Variants in MXRA8 observed in about 807,000 individuals in gnomAD.
MXRA8 encodes the protein matrix remodeling associated 8, also known as matrix remodeling-associated protein 8.
A neutral mutation model predicts 51.4 loss-of-function variants in MXRA8; 44 were observed. The ratio of observed to expected loss-of-function variants is 0.86; its 90% confidence interval spans 0.67 to 1.10. The LOEUF is 1.10. MXRA8 is among the 50% of genes least tolerant of loss of function. MXRA8 has a pLI of 0.00. For synonymous variants in MXRA8, 369 were observed against 293.5 expected, an observed-to-expected ratio of 1.26 and a Z score of -2.63; for missense variants, 765 against 638.9, an observed-to-expected ratio of 1.20 and a Z score of -2.13.
upstream of MXRA8, among the ~76,000 whole-genome samples, chr1:1,360,875 A>C (rs370716566): frequency 9.3e-3 from 1,408 of 151,822 alleles, 20 homozygotes; most frequent in African/African-American, 0.032. Flanking sequence ...CACACACACA[A>C]AGACACACAT....
rs932402520 is a variant in MXRA8 at position 1,352,930 on chromosome 1, C to A, written c.*674G>T. ...CAGTGACTATCAAGGTGGCTGAGAGCAAGGCTAGGGTAGGGATGGGGCAGA... is the reference window on the plus strand; with the variant it reads ...CAGTGACTATCAAGGTGGCTGAGAGAAAGGCTAGGGTAGGGATGGGGCAGA... On this transcript the variant is annotated 3_prime_UTR_variant, in exon 10 of 10. Transcript: ENST00000309212. 1.7e-5 allele frequency: 6 copies of A among 363,584 alleles called. No homozygotes were observed. Among genetic ancestry groups the A allele is most frequent in the African/African-American group, 1.1e-4 (5 of 45,960 alleles). The allele number at this position is 363,584 out of a possible 1,614,324, so 22.5% of individuals were successfully genotyped here. A position where few individuals can be genotyped will look rare whatever the true frequency, so the allele number is the denominator to read the frequency against.
chr1:1,359,630 G>A (rs1644194737), upstream of MXRA8: 4 of 960,582 alleles, frequency 4.2e-6, no homozygotes, highest in South Asian at 4.8e-5. Context: ...GATCAGAGTG[G>A]TGGTCTCAGG....
In MXRA8 at chr1:1,354,207, C is replaced by G. The variant is rs774501027; in HGVS notation, c.1131G>C (p.Ser377=). ...RGGYEYSDQK[S]GKSKGKDVNL... ...GGGGCACTCACCCCTTTGACTTTCC[C>G]GACTTCTGGTCCGAGTATTCGTAGC... Residue 377 remains serine (S), a synonymous_variant, in exon 7 of 10, where the codon TCG becomes TCC. Transcript: ENST00000309212. The G allele has an allele frequency of 6.2e-7, 1 of 1,612,628 alleles. No homozygotes were observed. The highest frequency in any genetic ancestry group is 8.5e-7 in the Non-Finnish European group (1 of 1,179,962).
chr1:1,353,810 G>A (rs776212191), intron 9 of MXRA8, 38 bp downstream of exon 9: 2 of 1,539,038 alleles, frequency 1.3e-6, no homozygotes, highest in South Asian at 1.3e-5. Context: ...GGGACAGGCA[G>A]GGCTCTGAGA....
upstream of MXRA8, among the ~76,000 whole-genome samples, chr1:1,359,864 T>TGGCTGGCCTCGAGGCCTC (rs1553178630): frequency 3.9e-5 from 6 of 152,108 alleles, no homozygotes; most frequent in Admixed American, 3.9e-4. Flanking sequence ...AAGCCCCACC[T>TGGCTGGCCTCGAGGCCTC]GGCTGGCCTC....
Position 1,354,019 on chromosome 1 carries a change from C to T in MXRA8, c.1222+11G>A, listed in dbSNP as rs1644062653. The T allele has an allele frequency of 6.2e-7, 1 of 1,612,706 alleles. No individual in the cohort carries two copies. Among genetic ancestry groups the T allele is most frequent in the Non-Finnish European group, 8.5e-7 (1 of 1,179,834 alleles). On this transcript the variant is annotated intron_variant, in intron 8 of 9. Transcript: ENST00000309212. ...CCGCGCCTGTGCCCTCGTGTCCCAG[C>T]ACTGCCTCACCTAGCTGGATGTCCT...
chr1:1,362,635 G>A (rs1644234122), upstream of MXRA8, among the ~76,000 whole-genome samples: 1 of 151,600 alleles, frequency 6.6e-6, no homozygotes, highest in African/African-American at 2.4e-5. Flanking sequence ...CAAAAAATTA[G>A]CCAGGCGTGG....
chr1:1,363,039 C>T (rs1569821554), upstream of MXRA8, among the ~76,000 whole-genome samples: 1 of 151,696 alleles, frequency 6.6e-6, no homozygotes, highest in South Asian at 2.1e-4. Context: ...GCCGAGATTG[C>T]ACCACTGCAC....
In MXRA8 at chr1:1,354,836, G is replaced by A. The variant is rs750039633; in HGVS notation, c.795C>T (p.Ala265=). The change falls in exon 5 of 10, where the codon GCC becomes GCT. Residue 265 remains alanine (A), a synonymous_variant. Transcript: ENST00000309212. The stretch of plus-strand genomic sequence containing the variant: ...GGTGGCAGGAGTAGGTGCCCTCGTC[G>A]GCGACCTCCAGCGGCTCGATACGCA... The part of the protein sequence containing the change: ...FSLRIEPLEV[A]DEGTYSCHLH... The A allele has an allele frequency of 1.2e-6, 2 of 1,612,210 alleles. No individual in the cohort carries two copies. Among genetic ancestry groups the A allele is most frequent in the Non-Finnish European group, 1.7e-6 (2 of 1,179,700 alleles).
chr1:1,355,377 C>T (rs1035535500), intron 3 of MXRA8, 32 bp from the exon 4 acceptor site: 8 of 1,553,748 alleles, frequency 5.1e-6, no homozygotes, highest in East Asian at 2.6e-5. Context: ...GCGCGTGAGC[C>T]TTGCGGTGCC....
chr1:1,359,427 C>T (rs1386598390), upstream of MXRA8: 11 of 985,450 alleles, frequency 1.1e-5, no homozygotes, highest in Non-Finnish European at 1.3e-5. Context: ...AACCCAACTC[C>T]TTCTAATCAA....
chr1:1,353,847 C>T lies in MXRA8; in HGVS notation c.1303+1G>A. ...GGGCTGAGGTCGCCCCCGCCGCTCACCTTTGTCTAGGTCGATGTACTTGGC... is the reference window on the plus strand; with the variant it reads ...GGGCTGAGGTCGCCCCCGCCGCTCATCTTTGTCTAGGTCGATGTACTTGGC... On this transcript the variant is annotated splice_donor_variant, in intron 9 of 9. Coordinates refer to ENST00000309212, the MANE Select transcript of MXRA8 (RefSeq NM_032348.4). LOFTEE classifies it high-confidence loss of function. The T allele has an allele frequency of 6.3e-7, 1 of 1,590,504 alleles. No homozygotes were observed.
At position 1,355,429 on chromosome 1, in the gene MXRA8, C is replaced by T. The variant is rs746546000; in HGVS notation, c.376+21G>A. ...CGGACCCCTGCCCCGACCCCGCGGC[C>T]CCGGTCCCCGGTCCCCGCACCGCGG... On this transcript the variant is annotated intron_variant, in intron 3 of 9. Transcript: ENST00000309212. 4.7e-6 allele frequency: 7 copies of T among 1,481,214 alleles called. No homozygotes were observed. In the East Asian group the frequency reaches 1.4e-4, roughly 30 times the overall value. The allele number at this position is 1,481,214 out of a possible 1,614,324, so 91.8% of individuals were successfully genotyped here.
Position 1,358,531 on chromosome 1 carries a change from C to T in MXRA8, c.-27G>A, listed in dbSNP as rs1412887749. ...GCCCCCGCCCAGCCCCAGGCTTTGT[C>T]CCACTCGGCTCTAAGTCTCTCTCCA... On this transcript the variant is annotated 5_prime_UTR_variant, in exon 1 of 10. Coordinates refer to ENST00000309212, the MANE Select transcript of MXRA8 (RefSeq NM_032348.4). 4 of 1,608,392 alleles carry T rather than the reference C, an allele frequency of 2.5e-6. No individual in the cohort carries two copies. Among genetic ancestry groups the T allele is most frequent in the Non-Finnish European group, 3.4e-6 (4 of 1,177,410 alleles).
At chr1:1,353,952 G>A (rs1295341213) in intron 8 of MXRA8, 24 bp from the exon 9 acceptor site, 3 of 1,606,316 alleles carry the variant, frequency 1.9e-6, no homozygotes, top group Non-Finnish European at 2.5e-6. Context: ...GGAGGCTGAG[G>A]TCCCCGCTCC....
rs1394021710 is a variant in MXRA8 at position 1,353,947 on chromosome 1, C to T, written c.1223-19G>A. On this transcript the variant is annotated intron_variant, in intron 8 of 9. Coordinates refer to ENST00000309212, the MANE Select transcript of MXRA8 (RefSeq NM_032348.4). ...TTGTAATCTGTGGGAGGAGAGGAGGCTGAGGTCCCCGCTCCCAGGATGCAC... is the reference window on the plus strand; with the variant it reads ...TTGTAATCTGTGGGAGGAGAGGAGGTTGAGGTCCCCGCTCCCAGGATGCAC... The T allele has an allele frequency of 2.5e-6, 4 of 1,606,958 alleles. No individual in the cohort carries two copies. Among genetic ancestry groups the T allele is most frequent in the South Asian group, 2.2e-5 (2 of 90,206 alleles).
chr1:1,354,152 G>A (rs1322267849), intron 7 of MXRA8, 41 bp downstream of exon 7: 3 of 1,612,684 alleles, frequency 1.9e-6, no homozygotes, highest in African/African-American at 2.7e-5. Flanking sequence ...TGGGGTGAAG[G>A]GGGCCCTGGT....
In MXRA8 at chr1:1,354,970, G is replaced by A. The variant is rs1001047036; in HGVS notation, c.661C>T (p.Arg221Cys). 1 of 1,596,702 alleles carries A rather than the reference G, an allele frequency of 6.3e-7. No individual in the cohort carries two copies. Among genetic ancestry groups the A allele is most frequent in the Non-Finnish European group, 8.5e-7 (1 of 1,172,986 alleles). ...PPGVPHDRAD[R>C]LLDLYASGER... Reference sequence around the variant, plus strand: ...CCCGACGCGTAGAGGTCCAGCAGGCGGTCCGCGCGGTCGTGCGGGACCCCG... The same window carrying A: ...CCCGACGCGTAGAGGTCCAGCAGGCAGTCCGCGCGGTCGTGCGGGACCCCG... Residue 221 changes from arginine to cysteine, a missense_variant, in exon 5 of 10, where the codon CGC (arginine) becomes TGC (cysteine). Physicochemically the swap from Arg to Cys is radical, Grantham distance 180 (BLOSUM62 -3). Transcript: ENST00000309212.
chr1:1,356,475 C>A (rs1322311572), intron 2 of MXRA8, among the ~76,000 whole-genome samples: 1 of 119,610 alleles, frequency 8.4e-6, no homozygotes, highest in Non-Finnish European at 1.8e-5. Context: ...TGGGGGAGGG[C>A]CAGGCCCCCA....
Sources: gnomAD v4.1 joint callset for allele counts (sites outside exome capture counted in the v4.1 genomes callset) on GRCh38, gnomAD v4.1.1 for gene constraint, MANE v1.5 for transcripts, NCBI Gene and HGNC (gene_info 2026-07-23, HGNC 2026-07-21) for gene names.